Variants in COL8A1 observed in about 807,000 individuals in gnomAD.
COL8A1 encodes collagen type VIII alpha 1 chain.
In COL8A1, 21 loss-of-function variants were observed where a neutral mutation model predicts 42.7. That is an observed-to-expected ratio of 0.49 (90% confidence interval 0.35 to 0.71). The LOEUF (loss-of-function observed/expected upper bound fraction) is 0.71. Ranked by LOEUF, COL8A1 falls within the 30% of genes least tolerant of loss-of-function variation. The pLI, the probability that COL8A1 is intolerant of heterozygous loss-of-function variation, is 0.01. For synonymous variants in COL8A1, 367 were observed against 369.1 expected, an observed-to-expected ratio of 0.99 and a Z score of 0.06; for missense variants, 788 against 962.4, an observed-to-expected ratio of 0.82 and a Z score of 2.40.
chr3:99,738,742 TG>T (rs144756035), intron 1 of COL8A1, among the ~76,000 whole-genome samples: 69,362 of 152,022 alleles, frequency 0.46, 16,196 homozygotes, highest in East Asian at 0.63. Flanking sequence ...TGAGCTGTGG[TG>T]GGCTCCACCC....
intron 1 of COL8A1, among the ~76,000 whole-genome samples, chr3:99,744,119 A>T (rs577830795): frequency 6.6e-6 from 1 of 152,044 alleles, no homozygotes; most frequent in Admixed American, 6.5e-5. Context: ...TTTAGTAGAG[A>T]CGGGGTTTCA....
At chr3:99,670,124 A>G (rs1426938009) in intron 1 of COL8A1, among the ~76,000 whole-genome samples, 8 of 152,062 alleles carry the variant, frequency 5.3e-5, no homozygotes, top group African/African-American at 1.7e-4. Context: ...GTATTTAGCT[A>G]AAGAGTTTAT....
chr3:99,751,207 C>G (rs1941141702), intron 2 of COL8A1, among the ~76,000 whole-genome samples: 1 of 152,094 alleles, frequency 6.6e-6, no homozygotes. Context: ...AAGGGGCCTT[C>G]TAGATTACCT....
At chr3:99,686,450 G>T (rs1280932647) in intron 1 of COL8A1, among the ~76,000 whole-genome samples, 2 of 152,108 alleles carry the variant, frequency 1.3e-5, no homozygotes, top group East Asian at 1.9e-4. Flanking sequence ...AGACCCTGGG[G>T]AGAGGGTCTT....
In COL8A1 at chr3:99,694,684, G is replaced by T. The variant is rs531159950; in HGVS notation, c.-128-50213G>T. 3.3e-5 allele frequency among the ~76,000 whole-genome samples: 5 copies of T among 152,212 alleles called. No individual in the cohort carries two copies. The East Asian group carries it at 7.7e-4, about 24-fold the overall frequency. On this transcript the variant is annotated intron_variant, in intron 1 of 3. Transcript: ENST00000652472. ...TATCTTCCTCATTCTTCAATTCTTT[G>T]CTACCTGCAAATCTTTGTACCTTTG...
chr3:99,734,807 G>A (rs973755306), intron 1 of COL8A1, among the ~76,000 whole-genome samples: 7 of 151,998 alleles, frequency 4.6e-5, no homozygotes, highest in African/African-American at 1.7e-4. Flanking sequence ...CCATTTGTTT[G>A]TATCCTCTTT....
chr3:99,699,308 T>C (rs148668270), intron 1 of COL8A1, among the ~76,000 whole-genome samples: 3 of 152,366 alleles, frequency 2.0e-5, no homozygotes, highest in Non-Finnish European at 4.4e-5. Flanking sequence ...CATTAACATT[T>C]ACTTTAGGTT....
chr3:99,705,104 C>A (rs1340659904), intron 1 of COL8A1, among the ~76,000 whole-genome samples: 1 of 151,956 alleles, frequency 6.6e-6, no homozygotes, highest in Non-Finnish European at 1.5e-5. Flanking sequence ...ACCTTTTTTT[C>A]TTCTGGCCTA....
intron 1 of COL8A1, among the ~76,000 whole-genome samples, chr3:99,743,511 A>T (rs1322821672): frequency 6.6e-6 from 1 of 152,244 alleles, no homozygotes; most frequent in South Asian, 2.1e-4. Context: ...GATAGAAGAC[A>T]TTCAAGTACT....
At chr3:99,720,645 T>C (rs1436840919) in intron 1 of COL8A1, among the ~76,000 whole-genome samples, 2 of 152,122 alleles carry the variant, frequency 1.3e-5, no homozygotes, top group Admixed American at 6.6e-5. Context: ...CATAAACACC[T>C]AAGTGAACCT....
rs777703141 is a variant in COL8A1, at chr3:99,796,013, A to T, written c.2112A>T (p.Ala704=). 2 of 1,613,930 alleles carry T rather than the reference A, an allele frequency of 1.2e-6. No individual in the cohort carries two copies. The highest frequency in any genetic ancestry group is 2.2e-5 in the South Asian group (2 of 91,086). The change falls in exon 4 of 4, where the codon GCA becomes GCT. Residue 704 remains alanine, a synonymous_variant. Transcript: ENST00000652472. ...KGFLDQASGS[A]VLLLRPGDRV... ...TCCTGGACCAGGCATCTGGGAGTGC[A>T]GTGCTGCTGCTCAGGCCCGGAGACC...
intron 2 of COL8A1, among the ~76,000 whole-genome samples, chr3:99,775,707 G>A (rs1381162793): frequency 6.6e-6 from 1 of 152,096 alleles, no homozygotes; most frequent in Non-Finnish European, 1.5e-5. Flanking sequence ...CCCAGCCAGG[G>A]CAATCCACCT....
intron 2 of COL8A1, among the ~76,000 whole-genome samples, chr3:99,774,915 C>T (rs971137901): frequency 6.6e-6 from 1 of 152,202 alleles, no homozygotes; most frequent in African/African-American, 2.4e-5. Flanking sequence ...TCAAGTTGAA[C>T]ACTAGAATGA....
chr3:99,767,683 C>T (rs981403683), intron 2 of COL8A1, among the ~76,000 whole-genome samples: 4 of 152,202 alleles, frequency 2.6e-5, no homozygotes, highest in African/African-American at 9.6e-5. Context: ...CATCATCACC[C>T]TTTCAGTTGA....
At chr3:99,793,846 G>T (rs1018163534) in intron 3 of COL8A1, among the ~76,000 whole-genome samples, 10 of 152,046 alleles carry the variant, frequency 6.6e-5, no homozygotes, top group African/African-American at 2.4e-4. Context: ...CTGCCTCCTG[G>T]GTTCAAGTGA....
intron 1 of COL8A1, among the ~76,000 whole-genome samples, chr3:99,700,981 G>A (rs950049187): frequency 6.6e-6 from 1 of 152,130 alleles, no homozygotes; most frequent in South Asian, 2.1e-4. Context: ...CCGTAGCTTC[G>A]TGATTTTGCG....
intron 1 of COL8A1, among the ~76,000 whole-genome samples, chr3:99,684,938 G>A (rs942351869): frequency 1.3e-5 from 2 of 152,124 alleles, no homozygotes; most frequent in African/African-American, 4.8e-5. Context: ...GAGAATGAAA[G>A]GCATTGCTTT....
chr3:99,737,080 G>T (rs888415674), intron 1 of COL8A1, among the ~76,000 whole-genome samples: 3 of 151,944 alleles, frequency 2.0e-5, no homozygotes, highest in African/African-American at 4.8e-5. Context: ...TTTTCCATTT[G>T]CTTGGTAGAT....
At chr3:99,784,425 G>T (rs1474660917) in intron 2 of COL8A1, among the ~76,000 whole-genome samples, 1 of 152,178 alleles carries the variant, frequency 6.6e-6, no homozygotes, top group Non-Finnish European at 1.5e-5. Flanking sequence ...AATATGTTCT[G>T]AGAGATGCAC....
Sources: allele counts gnomAD v4.1 joint callset (sites outside exome capture counted in the v4.1 genomes callset), GRCh38; gene constraint gnomAD v4.1.1; transcripts MANE v1.5; gene names NCBI Gene and HGNC (gene_info 2026-07-23, HGNC 2026-07-21).